TYW2: variants seen among roughly 807,000 people sequenced by gnomAD.
TYW2 encodes tRNA wybutosine-synthesizing protein 2 homolog.
chr8:124,452,259 T>C, the TYW2 span: 1 of 1,613,354 alleles, frequency 6.2e-7, no homozygotes, highest in Non-Finnish European at 8.5e-7. Context: ...GCTGCCCCTG[T>C]CCTTCAGTTG....
At chr8:124,450,826 G>A in the TYW2 span, 60 of 1,390,452 alleles carry the variant, frequency 4.3e-5, no homozygotes, top group Non-Finnish European at 5.7e-5. Flanking sequence ...CGTCATTTCC[G>A]GCACCGGCAT....
At chr8:124,452,003 A>T in the TYW2 span, 5 of 1,614,218 alleles carry the variant, frequency 3.1e-6, no homozygotes, top group Non-Finnish European at 4.2e-6. Flanking sequence ...GAGAAAGAGC[A>T]TTGGCTGTAT....
At chr8:124,450,919 G>C in the TYW2 span, 33 of 1,608,716 alleles carry the variant, frequency 2.1e-5, no homozygotes, top group Non-Finnish European at 2.5e-5. Flanking sequence ...ATGGAGTATC[G>C]CTGAGGTGAT....
At chr8:124,451,429 C>T in the TYW2 span, 131 of 1,614,052 alleles carry the variant, frequency 8.1e-5, no homozygotes, top group Non-Finnish European at 1.0e-4. Flanking sequence ...TGCCTTGGCA[C>T]TTGGCGTCCA....
the TYW2 span, chr8:124,452,027 C>T: frequency 6.2e-7 from 1 of 1,614,164 alleles, no homozygotes; most frequent in African/African-American, 1.3e-5. Flanking sequence ...CAGCAAATTA[C>T]CACCAACCAA....
At chr8:124,452,284 A>C in the TYW2 span, 1 of 1,609,526 alleles carries the variant, frequency 6.2e-7, no homozygotes, top group South Asian at 1.1e-5. Flanking sequence ...GAGGAGGTAG[A>C]TCCTGGGACA....
At chr8:124,451,353 G>A in the TYW2 span, 1 of 1,614,052 alleles carries the variant, frequency 6.2e-7, no homozygotes, top group Admixed American at 1.7e-5. Context: ...ATCTCTTGTT[G>A]CTGAGTGAAG....
chr8:124,451,413 G>A, the TYW2 span: 8 of 1,614,186 alleles, frequency 5.0e-6, no homozygotes, highest in South Asian at 8.8e-5. Context: ...AACTCTGGGA[G>A]ACCGTTGCCT....
At chr8:124,452,394 C>T in the TYW2 span, 51 of 971,026 alleles carry the variant, frequency 5.3e-5, no homozygotes, top group East Asian at 1.3e-3. Context: ...ATTTTATAGC[C>T]CTGAAAGCAG....
chr8:124,450,913 A>T, the TYW2 span: 1 of 1,603,458 alleles, frequency 6.2e-7, no homozygotes, highest in Non-Finnish European at 8.5e-7. Flanking sequence ...GAGGAGATGG[A>T]GTATCGCTGA....
At chr8:124,451,121 C>G in the TYW2 span, 1 of 1,614,156 alleles carries the variant, frequency 6.2e-7, no homozygotes, top group East Asian at 2.2e-5. Context: ...CTGGGAGAGA[C>G]GCTTCCAGAG....
chr8:124,452,825 T>C, the TYW2 span: 7 of 167,386 alleles, frequency 4.2e-5, no homozygotes, highest in African/African-American at 1.7e-4. Flanking sequence ...GGGAGGTAGA[T>C]TGATATGATA....
At chr8:124,451,196 C>T in the TYW2 span, 24 of 1,614,136 alleles carry the variant, frequency 1.5e-5, no homozygotes, top group Admixed American at 1.2e-4. Context: ...ACGCAGCTCC[C>T]GGATCCTGTT....
chr8:124,452,112 G>C, the TYW2 span: 71 of 1,614,056 alleles, frequency 4.4e-5, no homozygotes, highest in Non-Finnish European at 5.9e-5. Context: ...GGCAAAGGTG[G>C]GCAGAATCTG....
chr8:124,451,560 C>T, the TYW2 span: 1 of 1,614,196 alleles, frequency 6.2e-7, no homozygotes. Flanking sequence ...ATAAGTTTGA[C>T]GTGACCCAGT....
chr8:124,451,228 T>G, the TYW2 span: 1 of 1,614,110 alleles, frequency 6.2e-7, no homozygotes, highest in Non-Finnish European at 8.5e-7. Flanking sequence ...GGCCCAGGGT[T>G]GTTCACCTGC....
At chr8:124,451,282 G>T in the TYW2 span, 9 of 1,614,052 alleles carry the variant, frequency 5.6e-6, no homozygotes, top group Non-Finnish European at 7.6e-6. Flanking sequence ...GGAGGGTCGG[G>T]GAGTCAAGTG....
At chr8:124,451,053 CTT>C in the TYW2 span, 3 of 1,614,184 alleles carry the variant, frequency 1.9e-6, no homozygotes, top group Non-Finnish European at 2.5e-6. Flanking sequence ...GGCAGAAACT[CTT>C]TGATACACAG....
At chr8:124,451,104 A>G in the TYW2 span, 1 of 1,614,080 alleles carries the variant, frequency 6.2e-7, no homozygotes, top group South Asian at 1.1e-5. Context: ...CGGTGGCGCT[A>G]CCGGTGCTGG....
Sources: allele counts gnomAD v4.1 joint callset, GRCh38; gene constraint gnomAD v4.1.1; transcripts MANE v1.5; gene names NCBI Gene and HGNC (gene_info 2026-07-23, HGNC 2026-07-21).